SLC45A4: variants seen among roughly 807,000 people sequenced by gnomAD.
The protein encoded by SLC45A4 is solute carrier family 45 member 4, also known as polyamine-transporter SLC45A4.
Under a neutral mutation model 63.7 loss-of-function variants are expected in SLC45A4, and 32 were observed. The ratio of observed to expected loss-of-function variants is 0.50; its 90% CI spans 0.38 to 0.67. The LOEUF (loss-of-function observed/expected upper bound fraction) is 0.67. SLC45A4 is among the 30% of genes least tolerant of loss of function. The pLI, the probability that SLC45A4 is intolerant of heterozygous loss-of-function variation, is 0.00. For synonymous variants in SLC45A4, 535 were observed against 510.0 expected, an observed-to-expected ratio of 1.05 and a Z score of -0.66; for missense variants, 1,027 against 1,157.7, an observed-to-expected ratio of 0.89 and a Z score of 1.64.
intron 1 of SLC45A4, among the ~76,000 whole-genome samples, chr8:141,288,281 G>A (rs1045580950): frequency 3.9e-5 from 6 of 152,320 alleles, no homozygotes; most frequent in Middle Eastern, 3.4e-3. Flanking sequence ...AAGGCTGGCC[G>A]CTCAGTGCAA....
chr8:141,279,343 G>A lies in SLC45A4; in HGVS notation c.-400-24714C>T, dbSNP rs79779078. Among the ~76,000 whole-genome samples, 318 of 152,348 alleles carry A rather than the reference G, an allele frequency of 2.1e-3. 3 individuals are homozygous for A. The highest frequency in any genetic ancestry group is 6.5e-3 in the African/African-American group (271 of 41,590). On this transcript the variant is annotated intron_variant, in intron 1 of 8. Coordinates refer to ENST00000517878, the MANE Select transcript of SLC45A4 (RefSeq NM_001286646.2). ...CTGGCTTTACTGAAAAGTAACATCC[G>A]CAGGACAGACTCATAGCTGACTTTG... is the stretch of plus-strand genomic sequence containing the variant.
intron 1 of SLC45A4, among the ~76,000 whole-genome samples, chr8:141,270,439 T>C (rs1829472744): frequency 6.7e-6 from 1 of 150,274 alleles, no homozygotes; most frequent in Non-Finnish European, 1.5e-5. Flanking sequence ...TTTGGGAGGC[T>C]GAGGCGGGAG....
intron 1 of SLC45A4, among the ~76,000 whole-genome samples, chr8:141,283,900 A>G (rs1351195404): frequency 6.6e-6 from 1 of 152,228 alleles, no homozygotes; most frequent in East Asian, 1.9e-4. Flanking sequence ...AGCTCTGCAC[A>G]TGAGCTCTAC....
chr8:141,259,985 C>T (rs370836699), intron 1 of SLC45A4, among the ~76,000 whole-genome samples: 5 of 152,178 alleles, frequency 3.3e-5, no homozygotes, highest in Admixed American at 1.3e-4. Context: ...CCAGGTGCCC[C>T]GGGTGACCAG....
intron 1 of SLC45A4, among the ~76,000 whole-genome samples, chr8:141,258,590 C>A (rs1417134830): frequency 1.3e-5 from 2 of 152,188 alleles, no homozygotes; most frequent in African/African-American, 4.8e-5. Context: ...AACAGTCAGA[C>A]CCGTTTTTCA....
At chr8:141,253,684 G>A (rs529535807) in intron 2 of SLC45A4, among the ~76,000 whole-genome samples, 3 of 152,316 alleles carry the variant, frequency 2.0e-5, no homozygotes, top group South Asian at 2.1e-4. Context: ...CAGGGACAGC[G>A]GGAGAGGTGA....
In SLC45A4 at chr8:141,256,354, A is replaced by G; in HGVS notation, c.-400-1725T>C. 2.9e-6 allele frequency: 1 copy of G among 348,934 alleles called. No homozygotes were observed. Among genetic ancestry groups the G allele is most frequent in the South Asian group, 2.1e-5 (1 of 46,748 alleles). 21.6% of individuals were successfully genotyped at this position (348,934 alleles called of 1,614,324 possible). On this transcript the variant is annotated intron_variant, in intron 1 of 8. Coordinates refer to ENST00000517878, the MANE Select transcript of SLC45A4 (RefSeq NM_001286646.2). The surrounding 1 kb of genome is among the most constrained non-coding windows in gnomAD (Gnocchi z 4.3). The stretch of plus-strand genomic sequence containing the variant: ...CCAATACCTTACTGAGAATTTTTCC[A>G]ACAACTGGTTTCAACAAAAATATTT...
intron 1 of SLC45A4, among the ~76,000 whole-genome samples, chr8:141,280,445 A>G (rs1294281952): frequency 2.0e-5 from 3 of 152,268 alleles, no homozygotes; most frequent in Non-Finnish European, 4.4e-5. Context: ...ATTCCAACTT[A>G]CTTTCTTGAA....
intron 2 of SLC45A4, among the ~76,000 whole-genome samples, chr8:141,247,729 G>A: frequency 6.6e-6 from 1 of 152,146 alleles, no homozygotes; most frequent in East Asian, 1.9e-4. Context: ...AGTTCCAAAA[G>A]GTAGGCATAT....
chr8:141,302,838 C>A (rs1379063000), intron 1 of SLC45A4, among the ~76,000 whole-genome samples: 1 of 152,152 alleles, frequency 6.6e-6, no homozygotes, highest in Non-Finnish European at 1.5e-5. Context: ...CCCCTCCCCT[C>A]AAAAAACTTA....
rs375146301 is a variant in SLC45A4, at chr8:141,212,240, G to A, written c.2258C>T (p.Thr753Met). The A allele has an allele frequency of 7.7e-6, 12 of 1,558,124 alleles. No homozygotes were observed. Among genetic ancestry groups the A allele is most frequent in the East Asian group, 4.5e-5 (2 of 44,090 alleles). ...NSEKPTVLKL[T>M]RKEGLQGPVE... Reference sequence around the variant, plus strand: ...CGGTCCCTGCAGGCCCTCCTTCCGCGTGAGCTTCAGCACGGTGGGCTTTTC... The same window carrying A: ...CGGTCCCTGCAGGCCCTCCTTCCGCATGAGCTTCAGCACGGTGGGCTTTTC... The change falls in exon 8 of 9, where the codon ACG (threonine) becomes ATG (methionine). Residue 753 changes from threonine to methionine, a missense_variant. Transcript: ENST00000517878.
chr8:141,221,992 C>T (rs942368837), intron 2 of SLC45A4, among the ~76,000 whole-genome samples: 3 of 152,264 alleles, frequency 2.0e-5, no homozygotes, highest in African/African-American at 7.2e-5. Context: ...GAAAAGCAGC[C>T]AGGCCTTGGA....
At chr8:141,307,792 CGCGCCCCGGG>C (rs1830944230) in intron 1 of SLC45A4, among the ~76,000 whole-genome samples, 1 of 107,994 alleles carries the variant, frequency 9.3e-6, no homozygotes, top group African/African-American at 3.5e-5. Flanking sequence ...AATGAAGGCG[CGCGCCCCGGG>C]GTGGGGGCCG....
intron 1 of SLC45A4, among the ~76,000 whole-genome samples, chr8:141,263,440 A>G (rs1255393732): frequency 1.3e-5 from 2 of 151,972 alleles, no homozygotes; most frequent in African/African-American, 2.4e-5. Flanking sequence ...AAATAAATAA[A>G]TAAATAAATA....
rs1372807215 is a variant in SLC45A4, at chr8:141,229,257, C to T, written c.242-7492G>A. On this transcript the variant is annotated intron_variant, in intron 2 of 8. Coordinates refer to ENST00000517878, the MANE Select transcript of SLC45A4 (RefSeq NM_001286646.2). This position sits in a 1 kb window ranked among gnomAD's most constrained non-coding sequence, Gnocchi z 5.0. ...GCAGTCAGAGTGACCACCTAAAACCCACTGCTTGCACCTGCCGTGGCGTCC... is the reference window on the plus strand; with the variant it reads ...GCAGTCAGAGTGACCACCTAAAACCTACTGCTTGCACCTGCCGTGGCGTCC... Among the ~76,000 whole-genome samples the T allele has an allele frequency of 1.3e-5, 2 of 152,084 alleles. No individual in the cohort carries two copies. The highest frequency in any genetic ancestry group is 1.3e-4 in the Admixed American group (2 of 15,272).
intron 2 of SLC45A4, among the ~76,000 whole-genome samples, chr8:141,247,407 A>C (rs7016433): frequency 0.74 from 111,808 of 152,110 alleles, 41,188 homozygotes; most frequent in East Asian, 0.88. Flanking sequence ...TTAAAGACTT[A>C]AGTGTGTTGA....
intron 2 of SLC45A4, among the ~76,000 whole-genome samples, chr8:141,244,791 C>T (rs779684431): frequency 3.3e-5 from 5 of 152,034 alleles, no homozygotes; most frequent in African/African-American, 1.2e-4. Flanking sequence ...GTGACACCGA[C>T]GGGGCTCAGG....
intron 2 of SLC45A4, chr8:141,228,539 C>G: frequency 7.8e-7 from 1 of 1,283,036 alleles, no homozygotes; most frequent in Non-Finnish European, 9.9e-7. Context: ...CAGGCACTCC[C>G]CGCAGCTGGA....
intron 1 of SLC45A4, among the ~76,000 whole-genome samples, chr8:141,276,831 G>A (rs1829745575): frequency 6.6e-6 from 1 of 152,226 alleles, no homozygotes; most frequent in South Asian, 2.1e-4. Context: ...CATCCTCCCT[G>A]CCTGAGGCCC....
Sources: allele counts gnomAD v4.1 joint callset (sites outside exome capture counted in the v4.1 genomes callset), GRCh38; gene constraint gnomAD v4.1.1; non-coding constraint Gnocchi (gnomAD v3.1); transcripts MANE v1.5; gene names NCBI Gene and HGNC (gene_info 2026-07-23, HGNC 2026-07-21).